Variants in RBFOX1 observed in about 807,000 individuals in gnomAD.
RBFOX1 encodes RNA binding protein fox-1 homolog 1.
In RBFOX1, 8 loss-of-function variants were observed where a neutral mutation model predicts 57.7. The observed-to-expected ratio is 0.14, with a 90% CI of 0.08 to 0.25. The LOEUF is 0.25. Ranked by LOEUF, RBFOX1 falls within the 10% of genes least tolerant of loss-of-function variation. The pLI, the probability that RBFOX1 is intolerant of heterozygous loss-of-function variation, is 1.00. For missense variants in RBFOX1, 611 were observed against 548.5 expected, an observed-to-expected ratio of 1.11 and a Z score of -1.14; for synonymous variants, 326 against 222.4, an observed-to-expected ratio of 1.47 and a Z score of -4.15.
At chr16:5,702,675 G>A (rs537944324) in intron 3 of RBFOX1, among the ~76,000 whole-genome samples, 87 of 152,284 alleles carry the variant, frequency 5.7e-4, no homozygotes, top group Non-Finnish European at 9.7e-4. Flanking sequence ...AACAGTCTAT[G>A]AGTATCAATT....
chr16:5,390,734 G>T (rs1475071608), intron 1 of RBFOX1, among the ~76,000 whole-genome samples: 1 of 152,106 alleles, frequency 6.6e-6, no homozygotes, highest in Non-Finnish European at 1.5e-5. Context: ...ACCCCAATCA[G>T]TTCACATTAT....
intron 1 of RBFOX1, among the ~76,000 whole-genome samples, chr16:6,164,469 A>ATT (rs35070328): frequency 0.29 from 39,222 of 137,452 alleles, 6,342 homozygotes; most frequent in Admixed American, 0.36. Context: ...TGTTATATTG[A>ATT]TTTTTTTTTT....
intron 1 of RBFOX1, among the ~76,000 whole-genome samples, chr16:6,164,419 T>G (rs150504816): frequency 6.6e-6 from 1 of 151,990 alleles, no homozygotes; most frequent in African/African-American, 2.4e-5. Flanking sequence ...ATATATATAT[T>G]AGTTAGAAGT....
Position 5,835,861 on chromosome 16 carries a change from A to AT in RBFOX1, c.319-31441dup, listed in dbSNP as rs948567543. On this transcript the variant is annotated intron_variant, in intron 3 of 19. Transcript: ENST00000641259. ...GAGGAACCATGCCCACAGGCCTCCCATCCCTCCCAGAGCACAGTCCCAGGA... is the reference window on the plus strand; with the variant it reads ...GAGGAACCATGCCCACAGGCCTCCCATTCCCTCCCAGAGCACAGTCCCAGGA... Among the ~76,000 whole-genome samples the AT allele has an allele frequency of 5.0e-4, 76 of 152,032 alleles. 1 individual carries two copies. The highest frequency in any genetic ancestry group is 8.5e-4 in the Non-Finnish European group (58 of 68,016).
chr16:7,423,233 A>G (rs1485122923), intron 4 of RBFOX1, among the ~76,000 whole-genome samples: 1 of 152,080 alleles, frequency 6.6e-6, no homozygotes, highest in Admixed American at 6.5e-5. Flanking sequence ...TTCGTGGGGT[A>G]CCTGTATCCA....
intron 2 of RBFOX1, among the ~76,000 whole-genome samples, chr16:6,527,386 G>A (rs917589187): frequency 2.6e-5 from 4 of 152,020 alleles, no homozygotes; most frequent in Admixed American, 2.6e-4. Context: ...AGTGATTTCT[G>A]TACAGGCTAC....
At chr16:7,399,557 C>G (rs375094232) in intron 4 of RBFOX1, among the ~76,000 whole-genome samples, 3 of 152,326 alleles carry the variant, frequency 2.0e-5, no homozygotes, top group South Asian at 4.1e-4. Flanking sequence ...CCCTGGCTCT[C>G]TTTTAGCCTC....
chr16:7,687,106 G>C (rs935355543), intron 14 of RBFOX1, among the ~76,000 whole-genome samples: 1 of 152,060 alleles, frequency 6.6e-6, no homozygotes, highest in African/African-American at 2.4e-5. Flanking sequence ...ACCTTTGAGA[G>C]CTTTCTATAA....
chr16:5,506,667 T>G (rs778738506), intron 2 of RBFOX1, among the ~76,000 whole-genome samples: 3 of 152,044 alleles, frequency 2.0e-5, no homozygotes, highest in Non-Finnish European at 4.4e-5. Flanking sequence ...GGCTATAGAC[T>G]GGAGATGACG....
chr16:6,835,411 C>G (rs1026553018), intron 3 of RBFOX1, among the ~76,000 whole-genome samples: 2 of 152,078 alleles, frequency 1.3e-5, no homozygotes, highest in African/African-American at 4.8e-5. Context: ...ACACAAGATT[C>G]AGAATCACAT....
intron 3 of RBFOX1, among the ~76,000 whole-genome samples, chr16:6,882,328 C>T (rs1215310199): frequency 6.6e-6 from 1 of 152,156 alleles, no homozygotes; most frequent in Non-Finnish European, 1.5e-5. Flanking sequence ...GTTTGCAATT[C>T]TGGCTACTTT....
Position 7,164,357 on chromosome 16 carries a change from C to T in RBFOX1, c.27+112259C>T, listed in dbSNP as rs151014362. Among the ~76,000 whole-genome samples, 191 of 152,254 alleles carry T rather than the reference C, an allele frequency of 1.3e-3. 1 individual carries two copies. The highest frequency in any genetic ancestry group is 4.5e-3 in the African/African-American group (186 of 41,554). On this transcript the variant is annotated intron_variant, in intron 4 of 15. Coordinates refer to ENST00000550418, the MANE Select transcript of RBFOX1 (RefSeq NM_018723.4). ...GTATATACCACATTTTCTTGATCCA[C>T]TCATTGGCTAATGGGCATTTGGGCT...
intron 4 of RBFOX1, among the ~76,000 whole-genome samples, chr16:7,305,464 C>G (rs1052459821): frequency 1.3e-5 from 2 of 152,076 alleles, no homozygotes; most frequent in Non-Finnish European, 2.9e-5. Flanking sequence ...CTTTCTCCCT[C>G]CCAGGATCTC....
intron 4 of RBFOX1, among the ~76,000 whole-genome samples, chr16:7,352,343 T>C (rs941423320): frequency 2.0e-5 from 3 of 152,114 alleles, no homozygotes; most frequent in African/African-American, 7.2e-5. Context: ...GATGACCAAG[T>C]CGGAGAGAAC....
At chr16:6,710,803 G>C (rs1001334043) in intron 3 of RBFOX1, among the ~76,000 whole-genome samples, 1 of 152,230 alleles carries the variant, frequency 6.6e-6, no homozygotes, top group Admixed American at 6.5e-5. Flanking sequence ...CTCAGGAAAT[G>C]AGAGATCCTC....
chr16:5,454,972 T>C (rs549058641), intron 1 of RBFOX1, among the ~76,000 whole-genome samples: 12 of 85,120 alleles, frequency 1.4e-4, no homozygotes, highest in African/African-American at 5.0e-4. Flanking sequence ...TCTTTCTTTC[T>C]TTCTTTCTTT....
chr16:6,586,119 T>C (rs1420069), intron 2 of RBFOX1, among the ~76,000 whole-genome samples: 73,814 of 152,036 alleles, frequency 0.49, 18,833 homozygotes, highest in East Asian at 0.71. Flanking sequence ...TCAGAAGCAA[T>C]GTTTGTTATG....
chr16:6,519,621 AACCC>A (rs1164661673), intron 2 of RBFOX1, among the ~76,000 whole-genome samples: 2 of 152,150 alleles, frequency 1.3e-5, no homozygotes, highest in Non-Finnish European at 2.9e-5. Flanking sequence ...GAATTGCTTG[AACCC>A]GGGAGGTGGA....
intron 2 of RBFOX1, among the ~76,000 whole-genome samples, chr16:6,431,290 CAA>C (rs1453014299): frequency 6.6e-6 from 1 of 151,752 alleles, no homozygotes; most frequent in Non-Finnish European, 1.5e-5. Context: ...GGATGTGGTG[CAA>C]AGAGTCAAGA....
Sources: gnomAD v4.1 joint callset for allele counts (sites outside exome capture counted in the v4.1 genomes callset) on GRCh38, gnomAD v4.1.1 for gene constraint, MANE v1.5 for transcripts, NCBI Gene and HGNC (gene_info 2026-07-23, HGNC 2026-07-21) for gene names.